TRPC4: variants seen among roughly 807,000 people sequenced by gnomAD.
TRPC4 encodes the protein short transient receptor potential channel 4.
In TRPC4, 49 loss-of-function variants were observed where a neutral mutation model predicts 99.4. That is an observed-to-expected ratio of 0.49 (90% CI 0.39 to 0.63). The LOEUF is 0.63. Ranked by LOEUF, TRPC4 falls within the 20% of genes least tolerant of loss-of-function variation. The pLI is 0.00. For synonymous variants in TRPC4, 454 were observed against 425.9 expected (o/e 1.07, Z -0.81); for missense variants, 898 against 1,152.9 (o/e 0.78, Z 3.20).
At chr13:37,837,149 C>G (rs1475680600) in intron 1 of TRPC4, among the ~76,000 whole-genome samples, 1 of 152,234 alleles carries the variant, frequency 6.6e-6, no homozygotes, top group Non-Finnish European at 1.5e-5. Context: ...TAGAAACACC[C>G]AGATGCCCAG....
intron 1 of TRPC4, among the ~76,000 whole-genome samples, chr13:37,815,059 G>T (rs1045164081): frequency 4.6e-5 from 7 of 151,622 alleles, no homozygotes; most frequent in African/African-American, 1.7e-4. Context: ...TTACAAAGGT[G>T]TCAAGAAAAA....
intron 3 of TRPC4, among the ~76,000 whole-genome samples, chr13:37,695,786 A>G (rs1953884106): frequency 2.6e-5 from 4 of 152,178 alleles, no homozygotes; most frequent in African/African-American, 9.7e-5. Context: ...AGACACTATG[A>G]AAACTATTGA....
chr13:37,682,944 T>C (rs1593503393), intron 4 of TRPC4, among the ~76,000 whole-genome samples: 2 of 120,750 alleles, frequency 1.7e-5, no homozygotes, highest in Admixed American at 8.5e-5. Context: ...TTTTTTTTTT[T>C]GGTAGAAAAG....
At chr13:37,690,341 G>A (rs1258291015) in intron 4 of TRPC4, among the ~76,000 whole-genome samples, 10 of 152,122 alleles carry the variant, frequency 6.6e-5, no homozygotes, top group Non-Finnish European at 1.5e-4. Context: ...TTGAGGCAGA[G>A]TCTCACTTTG....
chr13:37,649,407 G>A (rs956711207), intron 8 of TRPC4, among the ~76,000 whole-genome samples: 8 of 151,974 alleles, frequency 5.3e-5, no homozygotes, highest in African/African-American at 1.4e-4. Flanking sequence ...GTTCAGTTAC[G>A]GCAAGGGGGA....
At chr13:37,752,544 C>T (rs1325226584) in intron 2 of TRPC4, among the ~76,000 whole-genome samples, 2 of 151,844 alleles carry the variant, frequency 1.3e-5, no homozygotes, top group African/African-American at 4.8e-5. Flanking sequence ...ATTTTGCTCT[C>T]AGGACCTAAT....
intron 1 of TRPC4, among the ~76,000 whole-genome samples, chr13:37,799,928 C>T (rs1310970527): frequency 1.3e-5 from 2 of 152,138 alleles, no homozygotes; most frequent in East Asian, 3.9e-4. Flanking sequence ...CTGGTCATTT[C>T]CTCTAAGTCT....
At chr13:37,792,515 T>C (rs1287055921) in intron 1 of TRPC4, among the ~76,000 whole-genome samples, 4 of 152,160 alleles carry the variant, frequency 2.6e-5, no homozygotes, top group African/African-American at 7.2e-5. Context: ...TTGTTTACAA[T>C]GAAGGCATAA....
rs1435680125 is a variant in TRPC4 at position 37,701,915 on chromosome 13, A to G, written c.898-9580T>C. ...TGTGTTAGTTCCTAAGGGCTGCCATAAAAAGTACCATAAATTAGGTGGCTT... is the reference window on the plus strand; with the variant it reads ...TGTGTTAGTTCCTAAGGGCTGCCATGAAAAGTACCATAAATTAGGTGGCTT... On this transcript the variant is annotated intron_variant, in intron 3 of 10. Transcript: ENST00000379705. Among the ~76,000 whole-genome samples the G allele has an allele frequency of 3.9e-5, 6 of 152,196 alleles. No individual in the cohort carries two copies. The East Asian group carries it at 7.7e-4, about 20-fold the overall frequency.
chr13:37,649,838 T>G (rs1951983141), intron 8 of TRPC4, among the ~76,000 whole-genome samples: 1 of 151,650 alleles, frequency 6.6e-6, no homozygotes, highest in Non-Finnish European at 1.5e-5. Context: ...TAAAATAATT[T>G]CACTCCCTTC....
chr13:37,678,641 G>T (rs549906969), intron 4 of TRPC4, among the ~76,000 whole-genome samples: 4 of 151,970 alleles, frequency 2.6e-5, no homozygotes, highest in African/African-American at 9.7e-5. Flanking sequence ...AAAAATTCAG[G>T]TCCAGTTGAT....
At chr13:37,691,721 AT>A (rs1403388165) in intron 4 of TRPC4, among the ~76,000 whole-genome samples, 1 of 152,248 alleles carries the variant, frequency 6.6e-6, no homozygotes, top group African/African-American at 2.4e-5. Context: ...AAAAGTTTTA[AT>A]AAACAAAAAA....
At chr13:37,690,626 A>G (rs1277895166) in intron 4 of TRPC4, among the ~76,000 whole-genome samples, 1 of 152,164 alleles carries the variant, frequency 6.6e-6, no homozygotes, top group Non-Finnish European at 1.5e-5. Context: ...TTTAAACAAG[A>G]TCACATTTTA....
chr13:37,741,924 AT>A (rs533145237), intron 3 of TRPC4, among the ~76,000 whole-genome samples: 56 of 95,038 alleles, frequency 5.9e-4, no homozygotes, highest in African/African-American at 2.7e-3. Context: ...TGTGACTCCG[AT>A]TTTTTCATGA....
At chr13:37,771,114 A>G (rs550113928) in intron 2 of TRPC4, among the ~76,000 whole-genome samples, 1 of 151,720 alleles carries the variant, frequency 6.6e-6, no homozygotes, top group Non-Finnish European at 1.5e-5. Context: ...GTGAGGGTGC[A>G]TGTTAAGCAT....
At chr13:37,664,102 A>C (rs1406139822) in intron 5 of TRPC4, among the ~76,000 whole-genome samples, 1 of 152,192 alleles carries the variant, frequency 6.6e-6, no homozygotes, top group Non-Finnish European at 1.5e-5. Flanking sequence ...ATGCTCCTTA[A>C]GTAGGTAAAA....
At chr13:37,745,890 G>T (rs1333413583) in intron 3 of TRPC4, 47 bp downstream of exon 3, 2 of 1,563,736 alleles carry the variant, frequency 1.3e-6, no homozygotes, top group Middle Eastern at 1.7e-4. Context: ...GCTTCACTGT[G>T]ATTAAACTCT....
At chr13:37,826,087 G>A (rs1958196351) in intron 1 of TRPC4, among the ~76,000 whole-genome samples, 2 of 133,622 alleles carry the variant, frequency 1.5e-5, no homozygotes, top group South Asian at 5.1e-4. Context: ...CAGAGACTAG[G>A]ATTGCAACCC....
At chr13:37,648,704 G>A (rs1951924225) in intron 8 of TRPC4, among the ~76,000 whole-genome samples, 1 of 152,198 alleles carries the variant, frequency 6.6e-6, no homozygotes, top group Admixed American at 6.5e-5. Context: ...GTTTAACTCT[G>A]AGAATGAATC....
Sources: gnomAD v4.1 joint callset for allele counts (sites outside exome capture counted in the v4.1 genomes callset) on GRCh38, gnomAD v4.1.1 for gene constraint, MANE v1.5 for transcripts, NCBI Gene and HGNC (gene_info 2026-07-23, HGNC 2026-07-21) for gene names.